Variants in SQSTM1 observed in about 807,000 individuals in gnomAD.
The protein encoded by SQSTM1 is sequestosome-1.
Under a neutral mutation model 45.1 loss-of-function variants are expected in SQSTM1, and 36 were observed. The ratio of observed to expected loss-of-function variants is 0.80; its 90% confidence interval spans 0.61 to 1.05. SQSTM1 has a LOEUF of 1.05. SQSTM1 is among the 50% of genes least tolerant of loss of function. The pLI, the probability that SQSTM1 is intolerant of heterozygous loss-of-function variation, is 0.00. For synonymous variants in SQSTM1, 290 were observed against 244.3 expected (o/e 1.19, Z -1.74); for missense variants, 617 against 607.1 (o/e 1.02, Z -0.17).
Position 179,833,020 on chromosome 5 carries a change from CT to C in SQSTM1, c.755-11del, listed in dbSNP as rs755826234. 1.2e-6 allele frequency: 2 copies of C among 1,613,970 alleles called. No homozygotes were observed. The highest frequency in any genetic ancestry group is 2.7e-5 in the African/African-American group (2 of 74,926). On this transcript the variant is annotated splice_polypyrimidine_tract_variant and intron_variant, in intron 5 of 7. Transcript: ENST00000389805. ...GAACTTCACGGCTTGCTCTTTCCTC[CT>C]CCGCCTCTAGGCATTGAAGTTGATA...
Position 179,836,065 on chromosome 5 carries a change from T to G in SQSTM1, c.1166-371T>G, listed in dbSNP as rs147576533. 4.7e-3 allele frequency: 1,706 copies of G among 363,816 alleles called. 31 individuals carry two copies. Among genetic ancestry groups the G allele is most frequent in the African/African-American group, 0.033 (1,603 of 48,454 alleles). The allele number at this position is 363,816 out of a possible 1,614,324, so 22.5% of individuals were successfully genotyped here. ...TCTTGTATCCATTCATCTCTCTCCATCTTCAATCTATTTCAATGCCCCATC... is the reference window on the plus strand; with the variant it reads ...TCTTGTATCCATTCATCTCTCTCCAGCTTCAATCTATTTCAATGCCCCATC... On this transcript the variant is annotated intron_variant, in intron 7 of 7. Transcript: ENST00000389805.
intron 1 of SQSTM1, among the ~76,000 whole-genome samples, chr5:179,809,025 T>A (rs1757308813): frequency 6.7e-6 from 1 of 148,642 alleles, no homozygotes; most frequent in Non-Finnish European, 1.5e-5. Flanking sequence ...GCTCGGCTGA[T>A]TTTTTGTATT....
chr5:179,833,260 C>T lies in SQSTM1; in HGVS notation c.969+14C>T, dbSNP rs1209990376. ...GGGCGCCCTGAGGCAAGCCTGTGCCCCTCCCGCCACCTGGGACCACGGCCA... is the reference window on the plus strand; with the variant it reads ...GGGCGCCCTGAGGCAAGCCTGTGCCTCTCCCGCCACCTGGGACCACGGCCA... On this transcript the variant is annotated intron_variant, in intron 6 of 7. Coordinates refer to ENST00000389805, the MANE Select transcript of SQSTM1 (RefSeq NM_003900.5). 1.3e-6 allele frequency: 2 copies of T among 1,558,358 alleles called. No individual in the cohort carries two copies. The highest frequency in any genetic ancestry group is 1.7e-6 in the Non-Finnish European group (2 of 1,156,506).
chr5:179,832,522 A>G (rs1048067654), intron 5 of SQSTM1, among the ~76,000 whole-genome samples: 9 of 152,206 alleles, frequency 5.9e-5, no homozygotes, highest in Admixed American at 5.2e-4. Context: ...CAGGAGGCAC[A>G]TGGCCTTCCA....
chr5:179,824,027 G>A lies in SQSTM1; in HGVS notation c.471G>A (p.Lys157=). The A allele has an allele frequency of 6.2e-7, 1 of 1,614,008 alleles. No individual in the cohort carries two copies. Among genetic ancestry groups the A allele is most frequent in the Non-Finnish European group, 8.5e-7 (1 of 1,180,038 alleles). ...ACTTGTGTAGCGTCTGCGAGGGAAA[G>A]GGCTTGCACCGGGGGCACACCAAGC... The part of the protein sequence containing the change: ...DYDLCSVCEG[K]GLHRGHTKLA... The change falls in exon 3 of 8, where the codon AAG becomes AAA. Residue 157 remains lysine (K), a synonymous_variant. Transcript: ENST00000389805.
chr5:179,831,263 ACTCT>A (rs1758202908), intron 5 of SQSTM1, among the ~76,000 whole-genome samples: 1 of 152,196 alleles, frequency 6.6e-6, no homozygotes, highest in South Asian at 2.1e-4. Flanking sequence ...AGCAAGCGGC[ACTCT>A]CTATGGAAAA....
upstream of SQSTM1, chr5:179,820,863 C>T: frequency 4.5e-6 from 6 of 1,343,812 alleles, no homozygotes; most frequent in Admixed American, 3.1e-5. Context: ...GGGGCGGGGC[C>T]TCCGCGTTCG....
upstream of SQSTM1, among the ~76,000 whole-genome samples, chr5:179,817,435 G>C (rs978084329): frequency 2.0e-5 from 3 of 152,314 alleles, no homozygotes; most frequent in Admixed American, 2.0e-4. Flanking sequence ...TGAGGGCCCA[G>C]GGTCTCGCCC....
intron 5 of SQSTM1, among the ~76,000 whole-genome samples, chr5:179,831,227 G>A (rs1363073626): frequency 6.6e-6 from 1 of 152,240 alleles, no homozygotes; most frequent in Non-Finnish European, 1.5e-5. Context: ...AGAGCTGCCA[G>A]TCCTGGCTGG....
chr5:179,822,251 A>G (rs147055870), intron 1 of SQSTM1, among the ~76,000 whole-genome samples: 12 of 152,340 alleles, frequency 7.9e-5, no homozygotes, highest in Non-Finnish European at 1.5e-4. Flanking sequence ...GTTGTGGCAC[A>G]TATCAGAACT....
rs776265041 is a variant in SQSTM1 at position 179,837,828 on chromosome 5, TCTC to T, written c.*1238_*1240del. The T allele has an allele frequency of 1.9e-6, 3 of 1,613,054 alleles. No individual in the cohort carries two copies. The South Asian group carries it at 3.3e-5, about 18-fold the overall frequency. On this transcript the variant is annotated 3_prime_UTR_variant, in exon 8 of 8. Coordinates refer to ENST00000389805, the MANE Select transcript of SQSTM1 (RefSeq NM_003900.5). ...TCCCCGGCACTGCAGTCTGCAGAGT[TCTC>T]CTGGAGGCAGGGGCTGCTGCCTTGT... is the stretch of plus-strand genomic sequence containing the variant.
chr5:179,815,290 G>A (rs188884169), upstream of SQSTM1, among the ~76,000 whole-genome samples: 1,207 of 152,186 alleles, frequency 7.9e-3, 10 homozygotes, highest in Non-Finnish European at 0.011. Context: ...GGTGGTGGGC[G>A]CCTGTAATCC....
Position 179,836,437 on chromosome 5 carries a change from G to A in SQSTM1, c.1167G>A (p.Glu389=). 2 of 1,614,194 alleles carry A rather than the reference G, an allele frequency of 1.2e-6. No homozygotes were observed. Among genetic ancestry groups the A allele is most frequent in the Non-Finnish European group, 1.7e-6 (2 of 1,180,044 alleles). Residue 389 remains glutamate, a splice_region_variant and synonymous_variant, in exon 8 of 8, where the codon GAG becomes GAA. Transcript: ENST00000389805. The part of the protein sequence containing the change: ...EAALYPHLPP[E]ADPRLIESLS... ...ATGGCTTCCTTACTGTTTCGGCAGA[G>A]GCTGACCCGCGGCTGATTGAGTCCC...
chr5:179,820,849 A>AGGCGG, upstream of SQSTM1: 1 of 1,259,188 alleles, frequency 7.9e-7, no homozygotes, highest in Non-Finnish European at 1.0e-6. Flanking sequence ...GCCCCTCTCG[A>AGGCGG]GGCGGGGCGG....
intron 2 of SQSTM1, chr5:179,812,438 T>C (rs1428620209): frequency 6.6e-6 from 1 of 152,204 alleles, no homozygotes; most frequent in Admixed American, 6.5e-5. Flanking sequence ...CCGCCTGGAC[T>C]GCAGAAGGCG....
At chr5:179,834,970 G>A (rs867740308) in intron 7 of SQSTM1, among the ~76,000 whole-genome samples, 2,085 of 152,150 alleles carry the variant, frequency 0.014, 20 homozygotes, top group Middle Eastern at 0.034. Flanking sequence ...TCACTTCCCA[G>A]TAGGGGCGGC....
At chr5:179,834,207 G>A (rs997810742) in intron 7 of SQSTM1, among the ~76,000 whole-genome samples, 8 of 121,830 alleles carry the variant, frequency 6.6e-5, no homozygotes, top group Non-Finnish European at 9.8e-5. Flanking sequence ...AGAAGCCACC[G>A]TTGAAGTGGA....
intron 5 of SQSTM1, among the ~76,000 whole-genome samples, chr5:179,826,313 C>T (rs1007754230): frequency 7.2e-5 from 11 of 151,960 alleles, no homozygotes; most frequent in African/African-American, 2.2e-4. Context: ...TACAGGTACC[C>T]GCCACCACGC....
At chr5:179,831,915 CTG>C (rs1490491888) in intron 5 of SQSTM1, among the ~76,000 whole-genome samples, 3 of 151,916 alleles carry the variant, frequency 2.0e-5, no homozygotes, top group Admixed American at 1.3e-4. Flanking sequence ...TCCCGAGTAA[CTG>C]AGACTACAGG....
Sources: allele counts gnomAD v4.1 joint callset (sites outside exome capture counted in the v4.1 genomes callset), GRCh38; gene constraint gnomAD v4.1.1; transcripts MANE v1.5; gene names NCBI Gene and HGNC (gene_info 2026-07-23, HGNC 2026-07-21).